CAMK2D: variants seen among roughly 807,000 people sequenced by gnomAD.
The protein encoded by CAMK2D is calcium/calmodulin dependent protein kinase II delta, also known as calcium/calmodulin-dependent protein kinase type II subunit delta.
CAMK2D carries 37 observed loss-of-function variants against 84.0 expected under a neutral mutation model. The ratio of observed to expected loss-of-function variants is 0.44; its 90% CI spans 0.34 to 0.58. CAMK2D has a LOEUF of 0.58. CAMK2D is among the 20% of genes least tolerant of loss of function. CAMK2D has a pLI of 0.02. For missense variants in CAMK2D, 448 were observed against 652.5 expected (o/e 0.69, Z 3.41); for synonymous variants, 202 against 212.5 (o/e 0.95, Z 0.43).
intron 6 of CAMK2D, among the ~76,000 whole-genome samples, chr4:113,547,337 GATC>G (rs1342553000): frequency 6.6e-6 from 1 of 152,190 alleles, no homozygotes; most frequent in Non-Finnish European, 1.5e-5. Flanking sequence ...TTAGAGTGAA[GATC>G]ATCAAACCCT....
chr4:113,490,524 C>A (rs1407163749), intron 16 of CAMK2D, among the ~76,000 whole-genome samples: 1 of 114,842 alleles, frequency 8.7e-6, no homozygotes, highest in East Asian at 2.1e-4. Context: ...GTACCAGTAC[C>A]ACGCTGTTTT....
chr4:113,596,823 T>A (rs2098929026), intron 4 of CAMK2D, among the ~76,000 whole-genome samples: 2 of 149,002 alleles, frequency 1.3e-5, no homozygotes, highest in Admixed American at 1.3e-4. Context: ...TCCTAGAATT[T>A]TTTTTTTTTT....
chr4:113,759,449 CAG>C (rs1166250111), intron 1 of CAMK2D, 35 bp from the exon 2 acceptor site: 1 of 1,219,348 alleles, frequency 8.2e-7, no homozygotes, highest in African/African-American at 1.5e-5. Flanking sequence ...ATTAATATAA[CAG>C]ATATAATATT....
At chr4:113,758,953 C>A (rs548393890) in intron 2 of CAMK2D, among the ~76,000 whole-genome samples, 1 of 152,224 alleles carries the variant, frequency 6.6e-6, no homozygotes, top group East Asian at 1.9e-4. Flanking sequence ...CTCTCAAAAG[C>A]AAAAGGGAAT....
At chr4:113,733,554 A>G (rs982202698) in intron 2 of CAMK2D, among the ~76,000 whole-genome samples, 11 of 152,226 alleles carry the variant, frequency 7.2e-5, no homozygotes, top group Admixed American at 2.6e-4. Context: ...TCAAGTTATC[A>G]GGTATAAGTA....
chr4:113,724,556 A>T (rs1159073867), intron 2 of CAMK2D, among the ~76,000 whole-genome samples: 1 of 151,860 alleles, frequency 6.6e-6, no homozygotes, highest in Non-Finnish European at 1.5e-5. Flanking sequence ...ATAAAGCACC[A>T]ATAAAGTAGA....
At chr4:113,654,923 A>G (rs2099192106) in intron 3 of CAMK2D, among the ~76,000 whole-genome samples, 1 of 151,884 alleles carries the variant, frequency 6.6e-6, no homozygotes, top group Non-Finnish European at 1.5e-5. Flanking sequence ...AAGTTTCTGA[A>G]ATATATTTCC....
At chr4:113,538,070 T>C (rs956385825) in intron 6 of CAMK2D, among the ~76,000 whole-genome samples, 24 of 152,192 alleles carry the variant, frequency 1.6e-4, no homozygotes, top group Admixed American at 7.2e-4. Flanking sequence ...CCAAATGTTA[T>C]AGTCAGCTTT....
intron 16 of CAMK2D, among the ~76,000 whole-genome samples, chr4:113,476,002 CAG>C (rs1477910760): frequency 6.6e-6 from 1 of 152,138 alleles, no homozygotes; most frequent in Non-Finnish European, 1.5e-5. Context: ...CTGTAGTCAA[CAG>C]TAAGTGGGGA....
intron 2 of CAMK2D, among the ~76,000 whole-genome samples, chr4:113,736,791 C>T (rs556735611): frequency 6.6e-6 from 1 of 152,042 alleles, no homozygotes; most frequent in Non-Finnish European, 1.5e-5. Flanking sequence ...TACTACAAAG[C>T]TAAAAGTTTA....
Position 113,683,957 on chromosome 4 carries a change from G to C in CAMK2D, c.161-22185C>G, listed in dbSNP as rs1314406572. Among the ~76,000 whole-genome samples the C allele has an allele frequency of 2.6e-5, 4 of 152,200 alleles. No homozygotes were observed. The East Asian group carries it at 7.7e-4, about 29-fold the overall frequency. ...ACCACTTAGGATTGTTTCTGACCTA[G>C]AGTGAGCTTTTTGACCTCTCTGTAC... On this transcript the variant is annotated intron_variant, in intron 2 of 20. Transcript: ENST00000511664.
intron 11 of CAMK2D, 135 bp downstream of exon 11, chr4:113,513,695 G>T (rs191572176): frequency 1.1e-4 from 65 of 610,990 alleles, no homozygotes; most frequent in African/African-American, 1.0e-3. Context: ...CATTTCCCAA[G>T]AGCCCCAAAA....
chr4:113,465,621 G>A lies in CAMK2D; in HGVS notation c.1136-17C>T. ...GCTTTCGTGCTAAAGGCAAAAATAT[G>A]GAGTTGGGTAAGAATAAAAGACAAA... On this transcript the variant is annotated splice_polypyrimidine_tract_variant and intron_variant, in intron 16 of 20. Transcript: ENST00000511664. 2.0e-6 allele frequency: 3 copies of A among 1,497,086 alleles called. No homozygotes were observed. The highest frequency in any genetic ancestry group is 2.8e-6 in the Non-Finnish European group (3 of 1,076,136). The allele number at this position is 1,497,086 out of a possible 1,614,324, so 92.7% of individuals were successfully genotyped here. A position where few individuals can be genotyped will look rare whatever the true frequency, so the allele number is the denominator to read the frequency against.
At chr4:113,584,408 C>T (rs1591549833) in intron 4 of CAMK2D, among the ~76,000 whole-genome samples, 1 of 152,266 alleles carries the variant, frequency 6.6e-6, no homozygotes, top group East Asian at 1.9e-4. Flanking sequence ...TCTCTCTTCA[C>T]CCCGATGATG....
rs555142876 is a variant in CAMK2D, at chr4:113,454,348, T to C, written c.*197A>G. Reference sequence around the variant, plus strand: ...CCGTAGTTGAAGTGTAAACAATGTATAGGAAGGAATATATGATAAGATGAT... The same window carrying C: ...CCGTAGTTGAAGTGTAAACAATGTACAGGAAGGAATATATGATAAGATGAT... On this transcript the variant is annotated 3_prime_UTR_variant, in exon 21 of 21. Transcript: ENST00000511664. 2 of 500,710 alleles carry C rather than the reference T, an allele frequency of 4.0e-6. No individual in the cohort carries two copies. Among genetic ancestry groups the C allele is most frequent in the East Asian group, 3.1e-5 (1 of 32,240 alleles). The allele number at this position is 500,710 out of a possible 1,614,324, so 31.0% of individuals were successfully genotyped here. A position where few individuals can be genotyped will look rare whatever the true frequency, so the allele number is the denominator to read the frequency against.
At chr4:113,551,204 AGTAAC>A (rs2098626263) in intron 5 of CAMK2D, among the ~76,000 whole-genome samples, 1 of 152,214 alleles carries the variant, frequency 6.6e-6, no homozygotes. Context: ...CATGCAATCC[AGTAAC>A]ATCTAAGCAA....
intron 13 of CAMK2D, among the ~76,000 whole-genome samples, chr4:113,509,057 G>A (rs1037777078): frequency 6.6e-6 from 1 of 152,018 alleles, no homozygotes; most frequent in African/African-American, 2.4e-5. Context: ...AAGCCAGAAA[G>A]TAAAAATATC....
chr4:113,481,850 G>A (rs981536393), intron 16 of CAMK2D, among the ~76,000 whole-genome samples: 1 of 152,198 alleles, frequency 6.6e-6, no homozygotes. Flanking sequence ...CATTTGGTCA[G>A]AGACTTAAAA....
chr4:113,712,616 C>T, intron 2 of CAMK2D, among the ~76,000 whole-genome samples: 1 of 151,972 alleles, frequency 6.6e-6, no homozygotes, highest in Non-Finnish European at 1.5e-5. Context: ...CTTCCTATGC[C>T]TATTTCTGAA....
Sources: gnomAD v4.1 joint callset for allele counts (sites outside exome capture counted in the v4.1 genomes callset) on GRCh38, gnomAD v4.1.1 for gene constraint, MANE v1.5 for transcripts, NCBI Gene and HGNC (gene_info 2026-07-23, HGNC 2026-07-21) for gene names.